Variants in SYNE1 observed in about 807,000 individuals in gnomAD.
The protein encoded by SYNE1 is spectrin repeat containing nuclear envelope protein 1.
In SYNE1, 616 loss-of-function variants were observed where a neutral mutation model predicts 1,111.0. The ratio of observed to expected loss-of-function variants is 0.55; its 90% CI spans 0.52 to 0.59. The LOEUF is 0.59. Among genes scored for constraint, SYNE1 ranks in the 20% least tolerant of loss-of-function variants. The pLI is 0.00. For missense variants in SYNE1, 10,006 were observed against 10,417.0 expected, an observed-to-expected ratio of 0.96 and a Z score of 1.72; for synonymous variants, 3,855 against 3,825.8, an observed-to-expected ratio of 1.01 and a Z score of -0.28.
intron 66 of SYNE1, among the ~76,000 whole-genome samples, chr6:152,356,757 T>C (rs952913059): frequency 3.3e-5 from 5 of 152,126 alleles, no homozygotes; most frequent in Non-Finnish European, 7.4e-5. Flanking sequence ...CCTTCTTTTT[T>C]AACCTTTGTG....
intron 2 of SYNE1, among the ~76,000 whole-genome samples, chr6:152,631,714 G>A (rs907126128): frequency 6.6e-6 from 1 of 152,094 alleles, no homozygotes; most frequent in Non-Finnish European, 1.5e-5. Context: ...CTTGGTGATT[G>A]GTCACCCAGG....
At chr6:152,205,043 T>C (rs2076242607) in intron 126 of SYNE1, among the ~76,000 whole-genome samples, 1 of 152,166 alleles carries the variant, frequency 6.6e-6, no homozygotes, top group African/African-American at 2.4e-5. Context: ...TTTATAGATG[T>C]CCAGTGGCAT....
intron 44 of SYNE1, among the ~76,000 whole-genome samples, chr6:152,407,918 C>T (rs562486228): frequency 5.9e-5 from 9 of 151,970 alleles, no homozygotes; most frequent in Admixed American, 1.3e-4. Context: ...CTCGCCACCA[C>T]GCCCGGCTAA....
chr6:152,624,511 G>A (rs541379221), intron 3 of SYNE1, among the ~76,000 whole-genome samples: 2 of 152,268 alleles, frequency 1.3e-5, no homozygotes, highest in African/African-American at 2.4e-5. Context: ...TAAGCCACCT[G>A]TTAAATGGAT....
At chr6:152,409,975 CA>C (rs1732398825) in intron 42 of SYNE1, among the ~76,000 whole-genome samples, 1 of 152,168 alleles carries the variant, frequency 6.6e-6, no homozygotes, top group African/African-American at 2.4e-5. Flanking sequence ...AACTCAATGA[CA>C]AAGAAGCAAT....
rs200938386 is a variant in SYNE1 at position 152,404,185 on chromosome 6, A to C, written c.6825+28T>G. ...TGGTAGTAATTACAAAATGGATGGA[A>C]GTCTAGTAGTTATTACAAAATGCTT... On this transcript the variant is annotated intron_variant, in intron 46 of 145. Coordinates refer to ENST00000367255, the MANE Select transcript of SYNE1 (RefSeq NM_182961.4). The C allele has an allele frequency of 5.9e-6, 9 of 1,522,748 alleles. No homozygotes were observed. In the Admixed American group the frequency reaches 1.0e-4, roughly 17 times the overall value. 94.3% of individuals were successfully genotyped at this position (1,522,748 alleles called of 1,614,324 possible).
intron 81 of SYNE1, among the ~76,000 whole-genome samples, 164 bp from the exon 82 acceptor site, chr6:152,323,901 AG>A (rs572058862): frequency 7.9e-5 from 12 of 152,340 alleles, no homozygotes; most frequent in African/African-American, 2.6e-4. Flanking sequence ...TTAACATGAA[AG>A]GAGATATCAC....
intron 95 of SYNE1, among the ~76,000 whole-genome samples, chr6:152,286,460 A>G (rs932936517): frequency 6.6e-6 from 1 of 152,196 alleles, no homozygotes; most frequent in African/African-American, 2.4e-5. Context: ...GAAAGAGTTA[A>G]CCCATTTTTA....
chr6:152,275,594 G>T (rs933489044), intron 98 of SYNE1, among the ~76,000 whole-genome samples: 6 of 151,948 alleles, frequency 3.9e-5, no homozygotes. Context: ...TATGTGATTA[G>T]ACTGGCCGGG....
chr6:152,149,506 T>G lies in SYNE1; in HGVS notation c.24613A>C (p.Arg8205=), dbSNP rs779904585. The G allele has an allele frequency of 5.6e-6, 9 of 1,614,068 alleles. No individual in the cohort carries two copies. The Admixed American group carries it at 1.5e-4, about 27-fold the overall frequency. Residue 8205 remains arginine (R), a synonymous_variant, in exon 136 of 146, where the codon AGA becomes CGA. Transcript: ENST00000367255. ...YCQEVFGRVE[R]YHKKLIRLPL... ...AGGCGGATCAGTTTCTTATGGTATC[T>G]TTCCACACGCCCGAAGACCTCCTGG...
At chr6:152,310,321 A>G in intron 89 of SYNE1, 75 bp downstream of exon 89, 3 of 1,578,426 alleles carry the variant, frequency 1.9e-6, no homozygotes, top group Admixed American at 3.3e-5. Context: ...TGAGTTTAGG[A>G]GGCATTTTTC....
At chr6:152,623,132 A>G (rs1744376) in intron 3 of SYNE1, among the ~76,000 whole-genome samples, 102,787 of 151,930 alleles carry the variant, frequency 0.68, 34,860 homozygotes, top group Non-Finnish European at 0.71. Flanking sequence ...AAACAGCATA[A>G]TACTGGTACA....
chr6:152,406,536 A>T (rs968882677), intron 45 of SYNE1, among the ~76,000 whole-genome samples: 1 of 152,082 alleles, frequency 6.6e-6, no homozygotes, highest in African/African-American at 2.4e-5. Flanking sequence ...ATAGCAAAAG[A>T]TAGTTAAGAG....
rs539325917 is a variant in SYNE1, at chr6:152,189,159, C to T, written c.23301+93G>A. On this transcript the variant is annotated intron_variant, in intron 128 of 145. Transcript: ENST00000367255. ...CTTTGTCCGTACTAAGAATTATGGGCCGGGTCCACATGTGGGTTAACCCAT... is the reference window on the plus strand; with the variant it reads ...CTTTGTCCGTACTAAGAATTATGGGTCGGGTCCACATGTGGGTTAACCCAT... The T allele has an allele frequency of 2.5e-5, 33 of 1,330,692 alleles. 1 individual carries two copies. The South Asian group carries it at 3.7e-4, about 15-fold the overall frequency. 82.4% of individuals were successfully genotyped at this position (1,330,692 alleles called of 1,614,324 possible).
chr6:152,439,676 G>A (rs542038709), intron 32 of SYNE1, among the ~76,000 whole-genome samples: 27 of 152,310 alleles, frequency 1.8e-4, no homozygotes, highest in Admixed American at 3.3e-4. Context: ...ATGGGAGAGA[G>A]TGAAGCCTTT....
intron 62 of SYNE1, among the ~76,000 whole-genome samples, chr6:152,366,060 G>A (rs9383618): frequency 0.52 from 79,197 of 152,008 alleles, 20,681 homozygotes; most frequent in Non-Finnish European, 0.54. Context: ...TTGCCCGGAC[G>A]CGGTGGCTCA....
chr6:152,403,637 G>T (rs892810122), intron 46 of SYNE1, among the ~76,000 whole-genome samples: 1 of 152,092 alleles, frequency 6.6e-6, no homozygotes, highest in Non-Finnish European at 1.5e-5. Context: ...TGGGAGAATT[G>T]CTTGAGCTTG....
intron 128 of SYNE1, among the ~76,000 whole-genome samples, chr6:152,185,044 T>A (rs1349314671): frequency 2.0e-5 from 3 of 152,102 alleles, no homozygotes; most frequent in African/African-American, 7.2e-5. Flanking sequence ...AGGAAATACA[T>A]CCTTTTCTGG....
intron 59 of SYNE1, among the ~76,000 whole-genome samples, chr6:152,370,776 T>C (rs1215609475): frequency 6.6e-6 from 1 of 152,184 alleles, no homozygotes; most frequent in Non-Finnish European, 1.5e-5. Flanking sequence ...AGAATCTAAG[T>C]GGCAAGAGCT....
Sources: allele counts gnomAD v4.1 joint callset (sites outside exome capture counted in the v4.1 genomes callset), GRCh38; gene constraint gnomAD v4.1.1; transcripts MANE v1.5; gene names NCBI Gene and HGNC (gene_info 2026-07-23, HGNC 2026-07-21).